FGF12: variants seen among roughly 807,000 people sequenced by gnomAD.
FGF12 encodes the protein fibroblast growth factor 12.
A neutral mutation model predicts 23.6 loss-of-function variants in FGF12; 14 were observed. That is an observed-to-expected ratio of 0.59 (90% CI 0.39 to 0.93). The LOEUF (loss-of-function observed/expected upper bound fraction) is 0.93, where lower values mean the gene tolerates loss of function less well. Ranked by LOEUF, FGF12 falls within the 40% of genes least tolerant of loss-of-function variation. FGF12 has a pLI of 0.00. For synonymous variants in FGF12, 62 were observed against 77.3 expected, an observed-to-expected ratio of 0.80 and a Z score of 1.04; for missense variants, 175 against 217.8, an observed-to-expected ratio of 0.80 and a Z score of 1.24.
At chr3:192,284,744 C>A (rs1163017678) in intron 4 of FGF12, among the ~76,000 whole-genome samples, 1 of 152,010 alleles carries the variant, frequency 6.6e-6, no homozygotes, top group Non-Finnish European at 1.5e-5. Context: ...GCAATGAAAT[C>A]TAGACAAGCT....
At chr3:192,387,314 C>A (rs895269273) in intron 2 of FGF12, among the ~76,000 whole-genome samples, 8 of 151,994 alleles carry the variant, frequency 5.3e-5, no homozygotes, top group African/African-American at 1.9e-4. Flanking sequence ...AGGGGCTATT[C>A]GGAAGCTCAA....
At chr3:192,198,984 T>C (rs1717222195) in intron 4 of FGF12, among the ~76,000 whole-genome samples, 1 of 152,216 alleles carries the variant, frequency 6.6e-6, no homozygotes, top group South Asian at 2.1e-4. Context: ...GTTGTTTAGG[T>C]TAATCAGGAG....
intron 2 of FGF12, among the ~76,000 whole-genome samples, chr3:192,402,477 G>A (rs115415709): frequency 0.029 from 4,371 of 152,258 alleles, 89 homozygotes; most frequent in Middle Eastern, 0.065. Flanking sequence ...ATGTAATCAC[G>A]TTCCACATTT....
At chr3:192,391,293 G>A (rs1305127861) in intron 2 of FGF12, among the ~76,000 whole-genome samples, 1 of 152,168 alleles carries the variant, frequency 6.6e-6, no homozygotes, top group Non-Finnish European at 1.5e-5. Context: ...AAATCTACCT[G>A]CAAAAGTGCC....
chr3:192,685,711 C>A (rs1717708445), intron 2 of FGF12, among the ~76,000 whole-genome samples: 2 of 152,136 alleles, frequency 1.3e-5, no homozygotes, highest in Non-Finnish European at 2.9e-5. Context: ...GAGAATCGGA[C>A]TTCAGGCTAA....
At chr3:192,668,234 T>G (rs1212674621) in intron 2 of FGF12, among the ~76,000 whole-genome samples, 1 of 151,956 alleles carries the variant, frequency 6.6e-6, no homozygotes, top group East Asian at 1.9e-4. Context: ...TATATAAAAT[T>G]GAAAACTGCA....
chr3:192,213,269 C>CT lies in FGF12; in HGVS notation c.229-42614dup, dbSNP rs1410638767. 5.7e-3 allele frequency among the ~76,000 whole-genome samples: 851 copies of CT among 149,460 alleles called. 11 individuals carry two copies. The highest frequency in any genetic ancestry group is 0.019 in the African/African-American group (779 of 40,790). On this transcript the variant is annotated intron_variant, in intron 4 of 5. Transcript: ENST00000445105. Reference sequence around the variant, plus strand: ...TGGTTATCTGAAAGCGTCTCCAATTCTTTTTTTTTTCCCTTTTTTTTGGAA... The same window carrying CT: ...TGGTTATCTGAAAGCGTCTCCAATTCTTTTTTTTTTTCCCTTTTTTTTGGAA...
Position 192,498,632 on chromosome 3 carries a change from G to T in FGF12, c.14-138094C>A, listed in dbSNP as rs185899141. Among the ~76,000 whole-genome samples, 307 of 151,002 alleles carry T rather than the reference G, an allele frequency of 2.0e-3. 1 individual carries two copies. The highest frequency in any genetic ancestry group is 4.9e-3 in the South Asian group (23 of 4,734). On this transcript the variant is annotated intron_variant, in intron 2 of 5. Coordinates refer to ENST00000445105, the MANE Select transcript of FGF12 (RefSeq NM_004113.6). ...TTACTCTTTGATTACAGATAAAAAT[G>T]CATGTAGGTCCTAGGAATTAAACCC...
At position 192,664,594 on chromosome 3, in the gene FGF12, C is replaced by CAAAAAAAAAA. The variant is rs1482447213; in HGVS notation, c.13+62586_13+62587insTTTTTTTTTT. On this transcript the variant is annotated intron_variant, in intron 2 of 5. Transcript: ENST00000445105. ...TGAAACCCTGTCTCTACTAAAAATA[C>CAAAAAAAAAA]AAAAAAAATACAAAAAAAAAAAAAA... 1.3e-3 allele frequency among the ~76,000 whole-genome samples: 124 copies of CAAAAAAAAAA among 97,016 alleles called. 19 individuals are homozygous for CAAAAAAAAAA. The highest frequency in any genetic ancestry group is 1.7e-3 in the African/African-American group (40 of 23,056). The allele number at this position is 97,016 out of a possible 152,430, so 63.6% of individuals were successfully genotyped here.
At chr3:192,158,677 T>C (rs1486469606) in intron 5 of FGF12, among the ~76,000 whole-genome samples, 25 of 115,428 alleles carry the variant, frequency 2.2e-4, no homozygotes, top group East Asian at 8.7e-4. Context: ...TCCCTCCCTC[T>C]CTCTCTCTCT....
intron 2 of FGF12, among the ~76,000 whole-genome samples, chr3:192,553,396 A>G (rs1051092636): frequency 7.9e-5 from 12 of 152,214 alleles, no homozygotes; most frequent in African/African-American, 2.9e-4. Flanking sequence ...ATGAAATACT[A>G]CAATGGTAAC....
chr3:192,708,680 T>G (rs1329062846), intron 2 of FGF12, among the ~76,000 whole-genome samples: 1 of 152,124 alleles, frequency 6.6e-6, no homozygotes, highest in East Asian at 1.9e-4. Flanking sequence ...GGAACTATAG[T>G]ATAGCACAGA....
At chr3:192,622,878 A>G (rs1560172558) in intron 2 of FGF12, among the ~76,000 whole-genome samples, 1 of 152,142 alleles carries the variant, frequency 6.6e-6, no homozygotes, top group Non-Finnish European at 1.5e-5. Flanking sequence ...AAGGAGAGCA[A>G]GTCAGTGGCG....
chr3:192,252,065 T>G (rs75264432), intron 4 of FGF12, among the ~76,000 whole-genome samples: 2,303 of 152,248 alleles, frequency 0.015, 29 homozygotes, highest in African/African-American at 0.025. Context: ...TAATTTTTTT[T>G]TGTGTGTAAG....
chr3:192,295,960 C>T (rs1715006016), intron 4 of FGF12, among the ~76,000 whole-genome samples: 1 of 151,662 alleles, frequency 6.6e-6, no homozygotes. Context: ...CAGCTCACTG[C>T]AACCTCCATC....
At chr3:192,511,222 T>TACACACACACACACAC (rs5855433) in intron 2 of FGF12, among the ~76,000 whole-genome samples, 2 of 149,562 alleles carry the variant, frequency 1.3e-5, no homozygotes, top group African/African-American at 4.9e-5. Context: ...CAATTGTGTG[T>TACACACACACACACAC]ACACACACAC....
chr3:192,666,571 G>A (rs1716879539), intron 2 of FGF12, among the ~76,000 whole-genome samples: 1 of 152,196 alleles, frequency 6.6e-6, no homozygotes, highest in Non-Finnish European at 1.5e-5. Flanking sequence ...ACCATAGTCT[G>A]GCTGTTGGAC....
rs769477513 is a variant in FGF12 at position 192,456,945 on chromosome 3, G to A, written c.14-96407C>T. ...TGAATTATACTCCCATAATTCCCAT[G>A]TGTTGTGGGAGGGACCCAGTGGGAA... On this transcript the variant is annotated intron_variant, in intron 2 of 5. Coordinates refer to ENST00000445105, the MANE Select transcript of FGF12 (RefSeq NM_004113.6). 6.3e-4 allele frequency among the ~76,000 whole-genome samples: 96 copies of A among 152,290 alleles called. 1 individual carries two copies. The highest frequency in any genetic ancestry group is 3.4e-3 in the Middle Eastern group (1 of 294).
intron 2 of FGF12, among the ~76,000 whole-genome samples, chr3:192,614,345 G>T (rs1402194440): frequency 6.6e-6 from 1 of 151,844 alleles, no homozygotes; most frequent in African/African-American, 2.4e-5. Flanking sequence ...AAAGTGAAGA[G>T]AATAAAATTA....
Sources: gnomAD v4.1 joint callset for allele counts (sites outside exome capture counted in the v4.1 genomes callset) on GRCh38, gnomAD v4.1.1 for gene constraint, MANE v1.5 for transcripts, NCBI Gene and HGNC (gene_info 2026-07-23, HGNC 2026-07-21) for gene names.